ZC3H8: variants seen among roughly 807,000 people sequenced by gnomAD.
ZC3H8 encodes zinc finger CCCH-type containing 8, also known as zinc finger CCCH domain-containing protein 8.
A neutral mutation model predicts 42.5 loss-of-function variants in ZC3H8; 27 were observed. That is an observed-to-expected ratio of 0.64 (90% CI 0.47 to 0.88). ZC3H8 has a LOEUF of 0.88. Ranked by LOEUF, ZC3H8 falls within the 40% of genes least tolerant of loss-of-function variation. ZC3H8 has a pLI of 0.00. For missense variants in ZC3H8, 277 were observed against 336.1 expected (o/e 0.82, Z 1.37); for synonymous variants, 101 against 110.1 (o/e 0.92, Z 0.52).
chr2:112,215,887 T>C lies in ZC3H8; in HGVS notation c.*597A>G, dbSNP rs1684300539. The C allele has an allele frequency of 6.6e-6, 1 of 152,216 alleles. No homozygotes were observed. The highest frequency in any genetic ancestry group is 2.1e-4 in the South Asian group (1 of 4,828). 9.4% of individuals were successfully genotyped at this position (152,216 alleles called of 1,614,324 possible). ...TTTAGAAATGGTATAGTAAGAGATA[T>C]TGTTTCACTTTATTTATAATAGTAA... is the stretch of plus-strand genomic sequence containing the variant. On this transcript the variant is annotated 3_prime_UTR_variant, in exon 9 of 9. Coordinates refer to ENST00000409573, the MANE Select transcript of ZC3H8 (RefSeq NM_032494.3).
At chr2:112,219,576 A>C (rs1476171993) in intron 8 of ZC3H8, among the ~76,000 whole-genome samples, 1 of 152,180 alleles carries the variant, frequency 6.6e-6, no homozygotes, top group Non-Finnish European at 1.5e-5. Context: ...GTAATTGTAT[A>C]GTTTTGAGCG....
chr2:112,224,393 T>C (rs1304162482), intron 8 of ZC3H8, among the ~76,000 whole-genome samples: 2 of 152,126 alleles, frequency 1.3e-5, no homozygotes, highest in African/African-American at 4.8e-5. Flanking sequence ...AAGCTACAAT[T>C]TGAAGAGAAT....
rs750473612 is a variant in ZC3H8, at chr2:112,238,309, T to C, written c.370+6A>G. On this transcript the variant is annotated splice_donor_region_variant and intron_variant, in intron 3 of 8. Transcript: ENST00000409573. ...ACTTTAAATGATAAAATAGTTTGAC[T>C]CTTACCCTGTGGGGTATCTTTTACT... is the stretch of plus-strand genomic sequence containing the variant. The C allele has an allele frequency of 3.0e-5, 49 of 1,611,836 alleles. No individual in the cohort carries two copies. Among genetic ancestry groups the C allele is most frequent in the Admixed American group, 5.0e-5 (3 of 59,782 alleles).
chr2:112,229,378 C>G (rs1343666), intron 8 of ZC3H8, among the ~76,000 whole-genome samples: 113,678 of 152,126 alleles, frequency 0.75, 43,902 homozygotes, highest in African/African-American at 0.94. Context: ...ATTCATTCTA[C>G]CAGTTCCTCC....
At chr2:112,249,778 C>G (rs540118349) in intron 2 of ZC3H8, among the ~76,000 whole-genome samples, 4 of 152,290 alleles carry the variant, frequency 2.6e-5, no homozygotes, top group Admixed American at 2.6e-4. Context: ...GTCTGTGGTA[C>G]TTTGTTATGG....
At position 112,250,279 on chromosome 2, in the gene ZC3H8, CA is replaced by C; in HGVS notation, c.75-8del. The C allele has an allele frequency of 1.3e-6, 2 of 1,539,674 alleles. No homozygotes were observed. Among genetic ancestry groups the C allele is most frequent in the Non-Finnish European group, 1.8e-6 (2 of 1,140,722 alleles). On this transcript the variant is annotated splice_polypyrimidine_tract_variant and splice_region_variant and intron_variant, in intron 1 of 8. Transcript: ENST00000409573. The stretch of plus-strand genomic sequence containing the variant: ...ATCTATTTCATCATCGATTCTGTAG[CA>C]AAAATATCAAATAACACAAAAGAGT...
At position 112,214,603 on chromosome 2, in the gene ZC3H8, T is replaced by C. The variant is rs907537790; in HGVS notation, c.*1881A>G. The stretch of plus-strand genomic sequence containing the variant: ...TGGTATGGCTACAATGGCTAGGTGA[T>C]AGAGTACTTTGGACGAATGGCTCTT... On this transcript the variant is annotated 3_prime_UTR_variant, in exon 9 of 9. Transcript: ENST00000409573. The C allele has an allele frequency of 2.0e-5, 3 of 152,188 alleles. No individual in the cohort carries two copies. Among genetic ancestry groups the C allele is most frequent in the African/African-American group, 7.2e-5 (3 of 41,420 alleles). 9.4% of individuals were successfully genotyped at this position (152,188 alleles called of 1,614,324 possible). A position where few individuals can be genotyped will look rare whatever the true frequency, so the allele number is the denominator to read the frequency against.
intron 2 of ZC3H8, among the ~76,000 whole-genome samples, chr2:112,240,781 G>A (rs747535866): frequency 6.6e-5 from 10 of 152,120 alleles, no homozygotes; most frequent in Admixed American, 2.0e-4. Context: ...CACTTAGCTA[G>A]CTATAAACTC....
rs190403046 is a variant in ZC3H8 at position 112,245,158 on chromosome 2, A to G, written c.156+5033T>C. ...AACACAAAACAGCCTTATTGCTGAT[A>G]CAGAGAAATTGTATTGGTCTGGATA... On this transcript the variant is annotated intron_variant, in intron 2 of 8. Transcript: ENST00000409573. 3.3e-5 allele frequency among the ~76,000 whole-genome samples: 5 copies of G among 152,402 alleles called. No homozygotes were observed. In the East Asian group the frequency reaches 7.7e-4, roughly 23 times the overall value.
chr2:112,234,195 T>C lies in ZC3H8; in HGVS notation c.546A>G (p.Ala182=). The C allele has an allele frequency of 1.9e-6, 3 of 1,610,168 alleles. No homozygotes were observed. Among genetic ancestry groups the C allele is most frequent in the African/African-American group, 1.3e-5 (1 of 74,894 alleles). Residue 182 remains alanine (A), a synonymous_variant, in exon 5 of 9, where the codon GCA becomes GCG. Coordinates refer to ENST00000409573, the MANE Select transcript of ZC3H8 (RefSeq NM_032494.3). ...GTTCCACTGTATGTTGGTTGATGAA[T>C]GCCTGACTCAAATGCTGCTGCTTCT... ...PKEKQQHLSQ[A]FINQHTVERK...
chr2:112,234,108 A>G lies in ZC3H8; in HGVS notation c.621+12T>C. On this transcript the variant is annotated intron_variant, in intron 5 of 8. Transcript: ENST00000409573. ...TACATTTTAGTAGATTTTTGCTTAC[A>G]CATTTTTATACCTTAATACATTTCC... is the stretch of plus-strand genomic sequence containing the variant. The G allele has an allele frequency of 6.9e-7, 1 of 1,448,564 alleles. No individual in the cohort carries two copies. Among genetic ancestry groups the G allele is most frequent in the Admixed American group, 2.3e-5 (1 of 43,930 alleles). 89.7% of individuals were successfully genotyped at this position (1,448,564 alleles called of 1,614,324 possible). A position where few individuals can be genotyped will look rare whatever the true frequency, so the allele number is the denominator to read the frequency against.
chr2:112,248,448 T>TA (rs1685832014), intron 2 of ZC3H8, among the ~76,000 whole-genome samples: 1 of 152,208 alleles, frequency 6.6e-6, no homozygotes, highest in East Asian at 1.9e-4. Flanking sequence ...TTCTGTCTTA[T>TA]AAGTCTCAGT....
intron 8 of ZC3H8, among the ~76,000 whole-genome samples, chr2:112,227,466 A>T (rs1684893292): frequency 6.6e-6 from 1 of 152,228 alleles, no homozygotes; most frequent in Non-Finnish European, 1.5e-5. Context: ...CCGCGGTTGC[A>T]GTGAACCGAG....
intron 1 of ZC3H8, among the ~76,000 whole-genome samples, chr2:112,250,874 T>A (rs1361847658): frequency 6.6e-6 from 1 of 152,092 alleles, no homozygotes; most frequent in Non-Finnish European, 1.5e-5. Flanking sequence ...ACAAACACAT[T>A]TAAGTGTAAA....
intron 2 of ZC3H8, among the ~76,000 whole-genome samples, chr2:112,248,344 AG>A (rs751789385): frequency 2.1e-4 from 31 of 149,288 alleles, no homozygotes; most frequent in Non-Finnish European, 2.8e-4. Flanking sequence ...AAGAAAAGAA[AG>A]AAAAAGAAAA....
Position 112,231,900 on chromosome 2 carries a change from C to A in ZC3H8, c.781G>T (p.Gly261Ter). ...GCATGAGAAAACTTGCAGTATTCTC[C>A]CTGATAACATTTTGTTCCTGTATGG... is the stretch of plus-strand genomic sequence containing the variant. ...FYHTGTKCYQ[G>*]EYCKFSHAPL... Residue 261 changes from glycine to a stop codon, truncating the protein, a stop_gained, in exon 7 of 9, where the codon GGA (glycine) becomes TGA (stop). Transcript: ENST00000409573. LOFTEE classifies it high-confidence loss of function. 1 of 1,586,894 alleles carries A rather than the reference C, an allele frequency of 6.3e-7. No individual in the cohort carries two copies. The highest frequency in any genetic ancestry group is 8.6e-7 in the Non-Finnish European group (1 of 1,163,012).
In ZC3H8 at chr2:112,215,075, CTTTAT is replaced by C. The variant is rs1684273963; in HGVS notation, c.*1404_*1408del. The C allele has an allele frequency of 6.6e-6, 1 of 151,838 alleles. No individual in the cohort carries two copies. Among genetic ancestry groups the C allele is most frequent in the Admixed American group, 6.6e-5 (1 of 15,232 alleles). 9.4% of individuals were successfully genotyped at this position (151,838 alleles called of 1,614,324 possible). ...ATAAACTTTATATATAAAATCTATA[CTTTAT>C]AAGTATCAAACTATTATACATGAGG... On this transcript the variant is annotated 3_prime_UTR_variant, in exon 9 of 9. Transcript: ENST00000409573.
At chr2:112,253,358 A>T (rs1333371967) in intron 1 of ZC3H8, among the ~76,000 whole-genome samples, 5 of 152,198 alleles carry the variant, frequency 3.3e-5, no homozygotes, top group Non-Finnish European at 7.3e-5. Flanking sequence ...GCAGGTGCTC[A>T]ATACGATTTT....
intron 3 of ZC3H8, among the ~76,000 whole-genome samples, chr2:112,237,578 A>T (rs891929373): frequency 1.6e-5 from 2 of 124,716 alleles, no homozygotes; most frequent in African/African-American, 2.8e-5. Flanking sequence ...TTAAAATTTT[A>T]ATTTTTTTTT....
Sources: gnomAD v4.1 joint callset for allele counts (sites outside exome capture counted in the v4.1 genomes callset) on GRCh38, gnomAD v4.1.1 for gene constraint, MANE v1.5 for transcripts, NCBI Gene and HGNC (gene_info 2026-07-23, HGNC 2026-07-21) for gene names.